EMID1: variants seen among roughly 807,000 people sequenced by gnomAD.
The protein encoded by EMID1 is EMI domain-containing protein 1.
EMID1 carries 40 observed loss-of-function variants against 60.6 expected under a neutral mutation model. The observed-to-expected ratio is 0.66, with a 90% confidence interval of 0.51 to 0.86. The LOEUF (loss-of-function observed/expected upper bound fraction) is 0.86, where lower values mean the gene tolerates loss of function less well. Ranked by LOEUF, EMID1 falls within the 40% of genes least tolerant of loss-of-function variation. EMID1 has a pLI of 0.00. For synonymous variants in EMID1, 242 were observed against 231.0 expected (o/e 1.05, Z -0.43); for missense variants, 585 against 597.1 (o/e 0.98, Z 0.21).
chr22:29,259,212 T>A lies in EMID1; in HGVS notation c.*268T>A, dbSNP rs747760193. On this transcript the variant is annotated 3_prime_UTR_variant, in exon 15 of 15. Coordinates refer to ENST00000334018, the MANE Select transcript of EMID1 (RefSeq NM_133455.4). Reference sequence around the variant, plus strand: ...TCAAGGAGGGATAGAGGTACAAGGCTTCGTCTCATCTGCTGTCTGAGCATC... The same window carrying A: ...TCAAGGAGGGATAGAGGTACAAGGCATCGTCTCATCTGCTGTCTGAGCATC... 325 of 492,820 alleles carry A rather than the reference T, an allele frequency of 6.6e-4. No individual in the cohort carries two copies. The highest frequency in any genetic ancestry group is 1.0e-3 in the Non-Finnish European group (286 of 284,236). The allele number at this position is 492,820 out of a possible 1,614,324, so 30.5% of individuals were successfully genotyped here.
rs1279980578 is a variant in EMID1, at chr22:29,238,311, G to A, written c.1074+3962G>A. On this transcript the variant is annotated intron_variant, in intron 12 of 14. Transcript: ENST00000334018. ...TTATTATTATTATTATTAGAGATAA[G>A]GTCATACTCTGTCACCTCAGAAGCC... Among the ~76,000 whole-genome samples the A allele has an allele frequency of 3.7e-5, 5 of 134,370 alleles. 1 individual carries two copies. Among genetic ancestry groups the A allele is most frequent in the African/African-American group, 1.2e-4 (4 of 32,924 alleles). 88.2% of individuals were successfully genotyped at this position (134,370 alleles called of 152,430 possible).
chr22:29,254,046 C>T (rs1052247735), intron 13 of EMID1, 157 bp from the exon 14 acceptor site: 2 of 985,444 alleles, frequency 2.0e-6, no homozygotes, highest in African/African-American at 3.5e-5. Context: ...CTCCTGTCCT[C>T]ACCTGGTCTT....
chr22:29,223,641 C>T (rs1270155821), intron 3 of EMID1, among the ~76,000 whole-genome samples: 3 of 152,192 alleles, frequency 2.0e-5, no homozygotes, highest in Admixed American at 6.5e-5. Flanking sequence ...CAACTGATGC[C>T]GAGTTGCCTC....
At chr22:29,244,017 GA>G (rs2041239348) in intron 13 of EMID1, among the ~76,000 whole-genome samples, 1 of 152,164 alleles carries the variant, frequency 6.6e-6, no homozygotes, top group African/African-American at 2.4e-5. Context: ...ATACACATCG[GA>G]AATTCATGAA....
intron 1 of EMID1, among the ~76,000 whole-genome samples, chr22:29,214,049 A>G (rs1327162844): frequency 1.3e-5 from 2 of 152,178 alleles, no homozygotes; most frequent in South Asian, 2.1e-4. Context: ...TTAGCATATA[A>G]TAAGTGCTCA....
At chr22:29,257,861 G>C (rs1467291817) in intron 14 of EMID1, among the ~76,000 whole-genome samples, 1 of 152,226 alleles carries the variant, frequency 6.6e-6, no homozygotes, top group Non-Finnish European at 1.5e-5. Context: ...ATTGGGGCCA[G>C]TGCTCTGTGC....
In EMID1 at chr22:29,232,050, C is replaced by G. The variant is rs899992940; in HGVS notation, c.677-206C>G. ...TGAGGGGTTTTGGGGGTTTGGGAGC[C>G]CCAAGGAAGGAAGACTCAGCCTGGA... On this transcript the variant is annotated intron_variant, in intron 7 of 14. Coordinates refer to ENST00000334018, the MANE Select transcript of EMID1 (RefSeq NM_133455.4). The G allele has an allele frequency of 6.5e-6, 4 of 614,724 alleles. No individual in the cohort carries two copies. In the East Asian group the frequency reaches 1.1e-4, roughly 17 times the overall value. 38.1% of individuals were successfully genotyped at this position (614,724 alleles called of 1,614,324 possible).
Position 29,213,804 on chromosome 22 carries a change from C to T in EMID1, c.102-1122C>T, listed in dbSNP as rs551933695. On this transcript the variant is annotated intron_variant, in intron 1 of 14. Coordinates refer to ENST00000334018, the MANE Select transcript of EMID1 (RefSeq NM_133455.4). ...GGGTCAGCAGGTTCCCAGGCCGGGG[C>T]GTTTACAGAGCCACAGACCGTGGCT... 1.2e-4 allele frequency among the ~76,000 whole-genome samples: 19 copies of T among 152,158 alleles called. 1 individual carries two copies. In the East Asian group the frequency reaches 1.7e-3, roughly 14 times the overall value.
intron 1 of EMID1, among the ~76,000 whole-genome samples, chr22:29,214,203 G>T (rs1411051949): frequency 6.6e-6 from 1 of 152,240 alleles, no homozygotes; most frequent in Non-Finnish European, 1.5e-5. Flanking sequence ...CATGCTGGCG[G>T]AGGGGGCAGG....
chr22:29,244,803 A>C (rs896542857), intron 13 of EMID1, among the ~76,000 whole-genome samples: 1 of 152,158 alleles, frequency 6.6e-6, no homozygotes, highest in African/African-American at 2.4e-5. Context: ...CCCACGACAC[A>C]GGGATCTGGA....
chr22:29,218,765 T>C (rs542055409), intron 3 of EMID1, among the ~76,000 whole-genome samples: 3 of 152,308 alleles, frequency 2.0e-5, no homozygotes, highest in East Asian at 1.9e-4. Context: ...TCTGCTGACA[T>C]TGGGGCTGCT....
At chr22:29,226,449 AGGACCCTT>A in intron 4 of EMID1, 33 bp from the exon 5 acceptor site, 1 of 1,605,320 alleles carries the variant, frequency 6.2e-7, no homozygotes, top group Non-Finnish European at 8.5e-7. Flanking sequence ...GGGGAAGCCT[AGGACCCTT>A]GGCCCTGGCC....
intron 1 of EMID1, among the ~76,000 whole-genome samples, chr22:29,211,924 T>C (rs2039901269): frequency 6.6e-6 from 1 of 150,686 alleles, no homozygotes; most frequent in African/African-American, 2.5e-5. Flanking sequence ...TCACCGCAAT[T>C]TTCTAAAGGG....
At chr22:29,250,733 ATTTTTTT>A (rs748172215) in intron 13 of EMID1, among the ~76,000 whole-genome samples, 4 of 22,486 alleles carry the variant, frequency 1.8e-4, no homozygotes, top group Non-Finnish European at 3.6e-4. Flanking sequence ...CACCCGGCTA[ATTTTTTT>A]TTTTTTTTTT....
intron 3 of EMID1, among the ~76,000 whole-genome samples, chr22:29,220,503 G>C (rs2040252097): frequency 6.6e-6 from 1 of 151,932 alleles, no homozygotes; most frequent in African/African-American, 2.4e-5. Flanking sequence ...CAGGAGACCT[G>C]GACTGGGGCT....
intron 5 of EMID1, 74 bp from the exon 6 acceptor site, chr22:29,230,946 C>G: frequency 9.1e-6 from 14 of 1,544,528 alleles, no homozygotes; most frequent in Non-Finnish European, 1.1e-5. Flanking sequence ...CAGAGCAAAA[C>G]TCCATCTCAA....
intron 12 of EMID1, among the ~76,000 whole-genome samples, chr22:29,238,010 T>C (rs1234607123): frequency 7.0e-6 from 1 of 143,780 alleles, no homozygotes; most frequent in Non-Finnish European, 1.5e-5. Context: ...CCTCACTGTT[T>C]GTTTGTCTGA....
chr22:29,220,520 G>C (rs2040252879), intron 3 of EMID1, among the ~76,000 whole-genome samples: 2 of 152,052 alleles, frequency 1.3e-5, no homozygotes, highest in Non-Finnish European at 1.5e-5. Context: ...GGCTGGGAAG[G>C]CTGCCTCCCT....
At chr22:29,214,846 C>T (rs570490032) in intron 1 of EMID1, 80 bp from the exon 2 acceptor site, 101 of 1,011,608 alleles carry the variant, frequency 1.0e-4, no homozygotes, top group Non-Finnish European at 1.2e-4. Flanking sequence ...AGAACACGGA[C>T]GTCCTCACCC....
Sources: allele counts gnomAD v4.1 joint callset (sites outside exome capture counted in the v4.1 genomes callset), GRCh38; gene constraint gnomAD v4.1.1; transcripts MANE v1.5; gene names NCBI Gene and HGNC (gene_info 2026-07-23, HGNC 2026-07-21).